Variants in KIF24 observed in about 807,000 individuals in gnomAD.
The protein encoded by KIF24 is kinesin family member 24, also known as kinesin-like protein KIF24.
In KIF24, 81 loss-of-function variants were observed where a neutral mutation model predicts 118.9. The observed-to-expected ratio is 0.68, with a 90% CI of 0.57 to 0.82. The LOEUF (loss-of-function observed/expected upper bound fraction) is 0.82. Ranked by LOEUF, KIF24 falls within the 40% of genes least tolerant of loss-of-function variation. The probability of loss-of-function intolerance (pLI) is 0.00; values close to 1 mark genes in which losing one functional copy is unlikely to be tolerated. For synonymous variants in KIF24, 599 were observed against 610.0 expected (o/e 0.98, Z 0.27); for missense variants, 1,560 against 1,661.6 (o/e 0.94, Z 1.06).
At chr9:34,328,835 CAAG>C (rs1008052651) in intron 1 of KIF24, among the ~76,000 whole-genome samples, 2 of 152,156 alleles carry the variant, frequency 1.3e-5, no homozygotes, top group Non-Finnish European at 2.9e-5. Context: ...GGTTCAAAAG[CAAG>C]AAGGCTTTGG....
intron 8 of KIF24, among the ~76,000 whole-genome samples, chr9:34,266,825 A>G (rs899352672): frequency 6.6e-6 from 1 of 152,208 alleles, no homozygotes; most frequent in African/African-American, 2.4e-5. Flanking sequence ...GGAAGCTATC[A>G]AGAACGAGTA....
intron 6 of KIF24, among the ~76,000 whole-genome samples, chr9:34,286,415 C>T (rs561181926): frequency 7.9e-5 from 12 of 152,300 alleles, no homozygotes; most frequent in African/African-American, 2.9e-4. Flanking sequence ...TGCCCTACCT[C>T]CCACTAATCG....
intron 1 of KIF24, among the ~76,000 whole-genome samples, chr9:34,323,227 A>G (rs7850494): frequency 1.3e-5 from 2 of 152,210 alleles, no homozygotes; most frequent in Non-Finnish European, 2.9e-5. Context: ...TTTAAAAAGT[A>G]GTTTTCAAGA....
At chr9:34,309,100 CAAATAAACA>C (rs1837041423) in intron 2 of KIF24, among the ~76,000 whole-genome samples, 1 of 71,380 alleles carries the variant, frequency 1.4e-5, no homozygotes, top group East Asian at 2.0e-3. Flanking sequence ...AACAAACAAA[CAAATAAACA>C]AAAGAGTCAA....
chr9:34,319,804 C>T (rs10118460), intron 1 of KIF24: 5,523 of 516,672 alleles, frequency 0.011, 240 homozygotes, highest in African/African-American at 0.095. Context: ...TGTGCTTGAA[C>T]GGCCCTTCCC....
At chr9:34,292,958 A>G (rs2131759830) in intron 4 of KIF24, among the ~76,000 whole-genome samples, 1 of 152,326 alleles carries the variant, frequency 6.6e-6, no homozygotes, top group East Asian at 1.9e-4. Flanking sequence ...GATACACTTA[A>G]CTTGCAACTC....
chr9:34,290,807 C>T (rs1836229271), intron 4 of KIF24, among the ~76,000 whole-genome samples: 1 of 152,110 alleles, frequency 6.6e-6, no homozygotes, highest in East Asian at 1.9e-4. Context: ...ACCATGTTGG[C>T]CAAGCTCGTC....
At chr9:34,280,049 C>A (rs1386227288) in intron 6 of KIF24, among the ~76,000 whole-genome samples, 1 of 151,636 alleles carries the variant, frequency 6.6e-6, no homozygotes, top group Non-Finnish European at 1.5e-5. Flanking sequence ...CTTTGGGAGG[C>A]CGAGGCAGGC....
At chr9:34,273,004 C>T (rs1288324196) in intron 6 of KIF24, among the ~76,000 whole-genome samples, 1 of 151,960 alleles carries the variant, frequency 6.6e-6, no homozygotes, top group Non-Finnish European at 1.5e-5. Flanking sequence ...GTTCTCAGAA[C>T]TTATGAGGCA....
At chr9:34,295,900 C>T (rs546643380) in intron 4 of KIF24, among the ~76,000 whole-genome samples, 29 of 151,908 alleles carry the variant, frequency 1.9e-4, no homozygotes, top group African/African-American at 6.0e-4. Context: ...TCCCATTCAA[C>T]GTTTATTAAG....
intron 2 of KIF24, among the ~76,000 whole-genome samples, chr9:34,307,512 T>G (rs537744364): frequency 6.6e-6 from 1 of 152,294 alleles, no homozygotes; most frequent in East Asian, 1.9e-4. Flanking sequence ...TTTAGGGACT[T>G]TAAAATGCAT....
At chr9:34,267,275 TAAATA>T (rs1391611712) in intron 8 of KIF24, among the ~76,000 whole-genome samples, 1 of 151,726 alleles carries the variant, frequency 6.6e-6, no homozygotes, top group Admixed American at 6.6e-5. Flanking sequence ...AAAGTAAAAA[TAAATA>T]AAATAAAATA....
chr9:34,321,936 A>G (rs1053780460), intron 1 of KIF24, among the ~76,000 whole-genome samples: 1 of 152,192 alleles, frequency 6.6e-6, no homozygotes, highest in East Asian at 1.9e-4. Context: ...TTTTTTTAAA[A>G]GGAGTCCTAC....
intron 1 of KIF24, among the ~76,000 whole-genome samples, chr9:34,328,128 C>A (rs1352780467): frequency 6.6e-6 from 1 of 152,066 alleles, no homozygotes. Context: ...GAGTTAACAA[C>A]GAAACAGTCT....
At chr9:34,316,885 C>G (rs1026636461) in intron 1 of KIF24, among the ~76,000 whole-genome samples, 1 of 149,610 alleles carries the variant, frequency 6.7e-6, no homozygotes, top group African/African-American at 2.5e-5. Flanking sequence ...GCCTGGCCAG[C>G]CTGGTGAAAC....
chr9:34,286,656 C>T lies in KIF24; in HGVS notation c.1176G>A (p.Leu392=). 6.2e-7 allele frequency: 1 copy of T among 1,613,522 alleles called. No individual in the cohort carries two copies. The change falls in exon 6 of 13, where the codon CTG becomes CTA. Residue 392 remains leucine (L), a synonymous_variant. Coordinates refer to ENST00000402558, the MANE Select transcript of KIF24 (RefSeq NM_194313.4). ...DSKHMVQIVG[L]QELQVDSVEL... Reference sequence around the variant, plus strand: ...CCACACTGTCCACCTGAAGCTCTTGCAGTCCCACTATCTGCACCATGTGCT... The same window carrying T: ...CCACACTGTCCACCTGAAGCTCTTGTAGTCCCACTATCTGCACCATGTGCT...
chr9:34,290,324 G>T lies in KIF24; in HGVS notation c.977C>A (p.Thr326Asn). Residue 326 changes from threonine (T) to asparagine (N), a missense_variant, in exon 5 of 13, where the codon ACT (threonine) becomes AAT (asparagine). By Grantham distance (65) the Thr-to-Asn change is moderately conservative (BLOSUM62 0). This residue lies in a region of KIF24 where 964 missense variants were observed against 988.0 expected (regional missense o/e 0.98). Coordinates refer to ENST00000402558, the MANE Select transcript of KIF24 (RefSeq NM_194313.4). ...AGCATACAATCCTGGGTTCTCATGA[G>T]TTCCTATCATGGTGTAGGTCTTTCC... ...GAGKTYTMIG[T>N]HENPGLYALA... The T allele has an allele frequency of 6.2e-7, 1 of 1,613,898 alleles. No homozygotes were observed. Among genetic ancestry groups the T allele is most frequent in the Middle Eastern group, 1.6e-4 (1 of 6,062 alleles).
intron 3 of KIF24, among the ~76,000 whole-genome samples, chr9:34,300,949 C>G (rs1836682431): frequency 6.7e-6 from 1 of 150,310 alleles, no homozygotes; most frequent in African/African-American, 2.5e-5. Flanking sequence ...GCAATTCTGT[C>G]TCTCCTTCTA....
At chr9:34,294,350 A>G (rs918533242) in intron 4 of KIF24, among the ~76,000 whole-genome samples, 2 of 152,152 alleles carry the variant, frequency 1.3e-5, no homozygotes, top group African/African-American at 4.8e-5. Context: ...AAAAAAAATT[A>G]TACAAGAATG....
Sources: allele counts gnomAD v4.1 joint callset (sites outside exome capture counted in the v4.1 genomes callset), GRCh38; gene constraint gnomAD v4.1.1; regional missense constraint gnomAD v4.1.1; transcripts MANE v1.5; gene names NCBI Gene and HGNC (gene_info 2026-07-23, HGNC 2026-07-21).